The following CAMK1G variants were observed in gnomAD, a reference collection of about 807,000 sequenced individuals.
CAMK1G encodes calcium/calmodulin-dependent protein kinase type 1G.
Under a neutral mutation model 54.8 loss-of-function variants are expected in CAMK1G, and 27 were observed. The observed-to-expected ratio is 0.49, with a 90% CI of 0.36 to 0.68. CAMK1G has a LOEUF of 0.68. Ranked by LOEUF, CAMK1G falls within the 30% of genes least tolerant of loss-of-function variation. The probability of loss-of-function intolerance (pLI) is 0.00; values close to 1 mark genes in which losing one functional copy is unlikely to be tolerated. For missense variants in CAMK1G, 512 were observed against 591.0 expected (o/e 0.87, Z 1.39); for synonymous variants, 238 against 224.9 (o/e 1.06, Z -0.52).
chr1:209,595,115 C>A, intron 2 of CAMK1G, 40 bp downstream of exon 2: 1 of 1,435,848 alleles, frequency 7.0e-7, no homozygotes, highest in Non-Finnish European at 9.8e-7. Context: ...GCTGGGCTGC[C>A]TGCAGTGGGA....
At chr1:209,603,328 T>C in intron 4 of CAMK1G, 40 bp downstream of exon 4, 1 of 1,556,394 alleles carries the variant, frequency 6.4e-7, no homozygotes, top group Non-Finnish European at 8.9e-7. Flanking sequence ...AGAGGCCTGG[T>C]GGGGCCTGGG....
intron 1 of CAMK1G, among the ~76,000 whole-genome samples, chr1:209,592,327 A>G (rs1665276901): frequency 1.4e-5 from 2 of 142,946 alleles, no homozygotes; most frequent in Non-Finnish European, 3.0e-5. Context: ...CCTGGGTAAT[A>G]GAGCAAGACT....
Position 209,613,179 on chromosome 1 carries a change from A to G in CAMK1G, c.*177A>G. 3.1e-6 allele frequency: 1 copy of G among 327,056 alleles called. No homozygotes were observed. The highest frequency in any genetic ancestry group is 5.9e-6 in the Non-Finnish European group (1 of 168,508). 20.3% of individuals were successfully genotyped at this position (327,056 alleles called of 1,614,324 possible). On this transcript the variant is annotated 3_prime_UTR_variant, in exon 13 of 13. Coordinates refer to ENST00000361322, the MANE Select transcript of CAMK1G (RefSeq NM_020439.3). ...CCTGCTGCCAGCGGGGCAGCCCCTC[A>G]TAGGAGGCCCAGGAGGGAGCCCCAA... is the stretch of plus-strand genomic sequence containing the variant.
chr1:209,610,536 A>G (rs764878043), intron 9 of CAMK1G, among the ~76,000 whole-genome samples: 2 of 151,888 alleles, frequency 1.3e-5, no homozygotes, highest in Non-Finnish European at 2.9e-5. Flanking sequence ...TAGGCCTGGG[A>G]GCTATATCTG....
chr1:209,596,280 G>A (rs1458488760), intron 2 of CAMK1G, among the ~76,000 whole-genome samples: 1 of 152,232 alleles, frequency 6.6e-6, no homozygotes, highest in Non-Finnish European at 1.5e-5. Flanking sequence ...AGTGACCAGA[G>A]AGGGGGTTTT....
chr1:209,606,354 A>G lies in CAMK1G; in HGVS notation c.470A>G (p.Asn157Ser). ...CTGCTTTACCTTACCCCTGAAGAGA[A>G]CTCTAAGATCATGATCACTGACTTT... ...ENLLYLTPEE[N>S]SKIMITDFGL... Residue 157 changes from asparagine (N) to serine (S), a missense_variant, in exon 6 of 13, where the codon AAC becomes AGC. Asn to Ser is a conservative substitution (Grantham distance 46, BLOSUM62 1). Around this residue, in one of 3 missense-constraint regions of CAMK1G, gnomAD observed 186 missense variants for 231.5 expected, o/e 0.80. Coordinates refer to ENST00000361322, the MANE Select transcript of CAMK1G (RefSeq NM_020439.3). 6.2e-7 allele frequency: 1 copy of G among 1,614,044 alleles called. No individual in the cohort carries two copies. Among genetic ancestry groups the G allele is most frequent in the Non-Finnish European group, 8.5e-7 (1 of 1,179,950 alleles).
Position 209,606,439 on chromosome 1 carries a change from C to T in CAMK1G, c.555C>T (p.Tyr185=), listed in dbSNP as rs148684307. 8.1e-6 allele frequency: 13 copies of T among 1,613,524 alleles called. No homozygotes were observed. Among genetic ancestry groups the T allele is most frequent in the East Asian group, 2.2e-5 (1 of 44,878 alleles). ...IMSTACGTPG[Y]VAPEVLAQKP... is the part of the protein sequence containing the mutation. ...CCACTGCCTGTGGGACCCCAGGCTA[C>T]GTGGGTAAGTCTGGGAGCAGGAGGA... The change falls in exon 6 of 13, where the codon TAC becomes TAT. Residue 185 remains tyrosine (Y), a synonymous_variant. Transcript: ENST00000361322.
intron 6 of CAMK1G, among the ~76,000 whole-genome samples, chr1:209,606,684 T>C (rs1486967648): frequency 6.6e-6 from 1 of 152,200 alleles, no homozygotes; most frequent in Non-Finnish European, 1.5e-5. Flanking sequence ...TCCCTGCCTA[T>C]GCTTTGGCTC....
intron 1 of CAMK1G, among the ~76,000 whole-genome samples, chr1:209,594,715 G>T (rs1421089865): frequency 2.0e-5 from 3 of 152,238 alleles, no homozygotes; most frequent in Non-Finnish European, 2.9e-5. Flanking sequence ...CTATTGCCCT[G>T]ATGTGAGCAT....
rs769916493 is a variant in CAMK1G at position 209,612,841 on chromosome 1, G to A, written c.1397G>A (p.Arg466Gln). 3.2e-5 allele frequency: 52 copies of A among 1,613,416 alleles called. No homozygotes were observed. The highest frequency in any genetic ancestry group is 6.6e-5 in the South Asian group (6 of 91,070). Residue 466 changes from arginine to glutamine, a missense_variant, in exon 12 of 13, where the codon CGG becomes CAG. Transcript: ENST00000361322. Reference protein sequence around the residue: ...PVKASGSSHCRAGQTGVCLIM With the variant: ...PVKASGSSHCQAGQTGVCLIM ...AAAGCCAGTGGCAGCTCCCACTGCC[G>A]GGCAGGGCAGACTGGAGTCTGTCTC...
chr1:209,611,944 C>T lies in CAMK1G; in HGVS notation c.1068C>T (p.Thr356=), dbSNP rs773379474. The T allele has an allele frequency of 8.7e-6, 14 of 1,614,148 alleles. No individual in the cohort carries two copies. Among genetic ancestry groups the T allele is most frequent in the South Asian group, 5.5e-5 (5 of 91,092 alleles). The stretch of plus-strand genomic sequence containing the variant: ...CCAGCTCCCCTGAGATCACCATCAC[C>T]GAGGCACCTGTCCTGGACCACAGTG... ...SRPSSPEITI[T]EAPVLDHSVA... The change falls in exon 11 of 13, where the codon ACC becomes ACT. Residue 356 remains threonine (T), a synonymous_variant. Coordinates refer to ENST00000361322, the MANE Select transcript of CAMK1G (RefSeq NM_020439.3).
At chr1:209,607,724 A>G in intron 6 of CAMK1G, 134 bp from the exon 7 acceptor site, 1 of 668,066 alleles carries the variant, frequency 1.5e-6, no homozygotes, top group Non-Finnish European at 2.7e-6. Flanking sequence ...ACCCTTAGGG[A>G]GTTTTCAGTC....
chr1:209,602,243 C>T lies in CAMK1G; in HGVS notation c.222-971C>T, dbSNP rs117503930. On this transcript the variant is annotated intron_variant, in intron 3 of 12. Transcript: ENST00000361322. ...TTAGCAGCATTTCCGCCTCTACCCACTAGATGCCAGCAGCACCTTCCCCTG... is the reference window on the plus strand; with the variant it reads ...TTAGCAGCATTTCCGCCTCTACCCATTAGATGCCAGCAGCACCTTCCCCTG... 2.6e-4 allele frequency among the ~76,000 whole-genome samples: 40 copies of T among 152,282 alleles called. 1 individual carries two copies. In the East Asian group the frequency reaches 7.3e-3, roughly 28 times the overall value.
chr1:209,594,453 C>G (rs961972730), intron 1 of CAMK1G, among the ~76,000 whole-genome samples: 2 of 152,228 alleles, frequency 1.3e-5, no homozygotes, highest in African/African-American at 2.4e-5. Context: ...ATTTGCCCAG[C>G]ACTGTGCTAA....
intron 3 of CAMK1G, among the ~76,000 whole-genome samples, chr1:209,601,230 G>A (rs893160549): frequency 6.6e-6 from 1 of 152,162 alleles, no homozygotes; most frequent in African/African-American, 2.4e-5. Flanking sequence ...CATGGGTTGA[G>A]AATACAAGCA....
At chr1:209,588,926 G>A (rs1409261842) in intron 1 of CAMK1G, among the ~76,000 whole-genome samples, 1 of 152,190 alleles carries the variant, frequency 6.6e-6, no homozygotes, top group Non-Finnish European at 1.5e-5. Flanking sequence ...AGGCTGTACT[G>A]CCTGCCCTTT....
intron 2 of CAMK1G, among the ~76,000 whole-genome samples, chr1:209,595,999 G>A (rs1007673662): frequency 6.6e-6 from 1 of 152,234 alleles, no homozygotes; most frequent in Non-Finnish European, 1.5e-5. Flanking sequence ...AATTAGTCTA[G>A]GCTAATTGGG....
At position 209,610,060 on chromosome 1, in the gene CAMK1G, T is replaced by C. The variant is rs1005214420; in HGVS notation, c.827+131T>C. 38 of 765,590 alleles carry C rather than the reference T, an allele frequency of 5.0e-5. No individual in the cohort carries two copies. In the African/African-American group the frequency reaches 6.2e-4, roughly 12 times the overall value. The allele number at this position is 765,590 out of a possible 1,614,324, so 47.4% of individuals were successfully genotyped here. A position where few individuals can be genotyped will look rare whatever the true frequency, so the allele number is the denominator to read the frequency against. ...TTAATGATGTGACAAGCAAGGACCA[T>C]GCCATTGTTCATCAGGCCCAGGTAG... On this transcript the variant is annotated intron_variant, in intron 9 of 12. Transcript: ENST00000361322.
intron 3 of CAMK1G, among the ~76,000 whole-genome samples, chr1:209,602,083 T>C (rs968397965): frequency 2.8e-4 from 43 of 152,292 alleles, no homozygotes; most frequent in Admixed American, 2.6e-3. Context: ...ATATGATTAT[T>C]CTGCTTGACT....
Sources: gnomAD v4.1 joint callset for allele counts (sites outside exome capture counted in the v4.1 genomes callset) on GRCh38, gnomAD v4.1.1 for gene constraint, gnomAD v4.1.1 regional missense constraint, MANE v1.5 for transcripts, NCBI Gene and HGNC (gene_info 2026-07-23, HGNC 2026-07-21) for gene names.